Variants in SCGB3A2 observed in about 807,000 individuals in gnomAD.
SCGB3A2 encodes the protein pneumo secretory protein 1.
A neutral mutation model predicts 7.7 loss-of-function variants in SCGB3A2; 5 were observed. That is an observed-to-expected ratio of 0.65 (90% confidence interval 0.34 to 1.36). The LOEUF (loss-of-function observed/expected upper bound fraction) is 1.36. Ranked by LOEUF, SCGB3A2 falls within the 40% of genes most tolerant of loss-of-function variation. SCGB3A2 has a pLI of 0.04. For missense variants in SCGB3A2, 109 were observed against 103.6 expected, an observed-to-expected ratio of 1.05 and a Z score of -0.23; for synonymous variants, 44 against 42.7, an observed-to-expected ratio of 1.03 and a Z score of -0.12.
At chr5:147,881,277 G>T (rs1757343632) in intron 1 of SCGB3A2, among the ~76,000 whole-genome samples, 169 bp from the exon 2 acceptor site, 1 of 152,162 alleles carries the variant, frequency 6.6e-6, no homozygotes. Context: ...AGGAAAAAAA[G>T]TTCTAGGGAG....
rs745826855 is a variant in SCGB3A2, at chr5:147,881,513, C to T, written c.123C>T (p.Asn41=). Residue 41 remains asparagine, a synonymous_variant, in exon 2 of 3, where the codon AAC becomes AAT. Coordinates refer to ENST00000296694, the MANE Select transcript of SCGB3A2 (RefSeq NM_054023.5). The part of the protein sequence containing the change: ...VDKLAPLPLD[N]ILPFMDPLKL... Reference sequence around the variant, plus strand: ...AGTTGGCACCTTTACCTCTGGACAACATTCTTCCCTTTATGGATCCATTAA... The same window carrying T: ...AGTTGGCACCTTTACCTCTGGACAATATTCTTCCCTTTATGGATCCATTAA... The T allele has an allele frequency of 1.2e-6, 2 of 1,614,090 alleles. No individual in the cohort carries two copies. Among genetic ancestry groups the T allele is most frequent in the South Asian group, 2.2e-5 (2 of 91,070 alleles).
chr5:147,879,107 A>G (rs1332331395), intron 1 of SCGB3A2, among the ~76,000 whole-genome samples: 1 of 152,238 alleles, frequency 6.6e-6, no homozygotes, highest in Non-Finnish European at 1.5e-5. Context: ...CTAGCCCAAT[A>G]TAAGTATTCT....
At position 147,881,574 on chromosome 5, in the gene SCGB3A2, C is replaced by T; in HGVS notation, c.184C>T (p.His62Tyr). The change falls in exon 2 of 3, where the codon CAC becomes TAC. Residue 62 changes from histidine to tyrosine, a missense_variant. Coordinates refer to ENST00000296694, the MANE Select transcript of SCGB3A2 (RefSeq NM_054023.5). Reference protein sequence around the residue: ...LLKTLGISVEHLVEGLRKCVN... With the variant: ...LLKTLGISVEYLVEGLRKCVN... ...GAAAACTCTGGGCATTTCTGTTGAG[C>T]ACCTTGTGGAGGGGCTAAGGAAGTG... is the stretch of plus-strand genomic sequence containing the variant. 6.2e-7 allele frequency: 1 copy of T among 1,613,992 alleles called. No individual in the cohort carries two copies.
Position 147,882,007 on chromosome 5 carries a change from G to A in SCGB3A2, c.259-20G>A, listed in dbSNP as rs763167261. 1.2e-6 allele frequency: 2 copies of A among 1,613,218 alleles called. No homozygotes were observed. Among genetic ancestry groups the A allele is most frequent in the South Asian group, 1.1e-5 (1 of 91,014 alleles). Reference sequence around the variant, plus strand: ...TTACATGTAAGCTGCTCTAAATTTTGTTGTCCTTCTACATTTCAGGAGGCG... The same window carrying A: ...TTACATGTAAGCTGCTCTAAATTTTATTGTCCTTCTACATTTCAGGAGGCG... On this transcript the variant is annotated intron_variant, in intron 2 of 2. Transcript: ENST00000296694.
intron 2 of SCGB3A2, 139 bp downstream of exon 2, chr5:147,881,787 CT>C (rs1335404011): frequency 1.3e-6 from 1 of 795,922 alleles, no homozygotes; most frequent in African/African-American, 1.8e-5. Context: ...ATCCTGGAAT[CT>C]CAGGAAAAAT....
In SCGB3A2 at chr5:147,880,444, A is replaced by G. The variant is rs77425022; in HGVS notation, c.56-1002A>G. On this transcript the variant is annotated intron_variant, in intron 1 of 2. Transcript: ENST00000296694. Reference sequence around the variant, plus strand: ...TCCCTTTATCTTCCATCCTTTGGTCATAGCCTATTGGAAATCTGCACTCCA... The same window carrying G: ...TCCCTTTATCTTCCATCCTTTGGTCGTAGCCTATTGGAAATCTGCACTCCA... Among the ~76,000 whole-genome samples, 1,387 of 152,190 alleles carry G rather than the reference A, an allele frequency of 9.1e-3. 24 individuals are homozygous for G. The highest frequency in any genetic ancestry group is 0.032 in the African/African-American group (1,335 of 41,512).
In SCGB3A2 at chr5:147,878,765, T is replaced by A. The variant is rs762916628; in HGVS notation, c.-39T>A. On this transcript the variant is annotated 5_prime_UTR_variant, in exon 1 of 3. An upstream open reading frame in the 5' UTR loses its in-frame stop. Coordinates refer to ENST00000296694, the MANE Select transcript of SCGB3A2 (RefSeq NM_054023.5). ...CTTGGTGGATTTTGCTAGATTTTTC[T>A]GATTTTTAAACTCCTGAAAAATATC... 3 of 1,567,792 alleles carry A rather than the reference T, an allele frequency of 1.9e-6. No homozygotes were observed. Among genetic ancestry groups the A allele is most frequent in the Middle Eastern group, 3.3e-4 (2 of 5,978 alleles).
chr5:147,879,015 A>G (rs74885089), intron 1 of SCGB3A2, among the ~76,000 whole-genome samples, 157 bp downstream of exon 1: 10,554 of 152,218 alleles, frequency 0.069, 386 homozygotes, highest in Middle Eastern at 0.085. Flanking sequence ...ATAATTGCAC[A>G]TATTTGCAGG....
Position 147,880,036 on chromosome 5 carries a change from T to TA in SCGB3A2, c.55+1178_55+1179insA, listed in dbSNP as rs201987766. Reference sequence around the variant, plus strand: ...GGAGGGACAATAGGTGATTGAAAATTTAAAAAAATATATACAGGCTCCATT... The same window carrying TA: ...GGAGGGACAATAGGTGATTGAAAATTATAAAAAAATATATACAGGCTCCATT... On this transcript the variant is annotated intron_variant, in intron 1 of 2. Transcript: ENST00000296694. Among the ~76,000 whole-genome samples, 1,061 of 151,920 alleles carry TA rather than the reference T, an allele frequency of 7.0e-3. 11 individuals are homozygous for TA. Among genetic ancestry groups the TA allele is most frequent in the African/African-American group, 0.024 (1,000 of 41,326 alleles).
intron 1 of SCGB3A2, among the ~76,000 whole-genome samples, chr5:147,880,043 A>C (rs1757321163): frequency 6.6e-6 from 1 of 152,018 alleles, no homozygotes; most frequent in South Asian, 2.1e-4. Flanking sequence ...AATTTAAAAA[A>C]ATATATACAG....
At chr5:147,880,276 A>G (rs950571303) in intron 1 of SCGB3A2, among the ~76,000 whole-genome samples, 2 of 152,172 alleles carry the variant, frequency 1.3e-5, no homozygotes, top group Admixed American at 6.5e-5. Flanking sequence ...TTATCTTCCT[A>G]AAGCCAAAGA....
chr5:147,879,145 A>G (rs1333061013), intron 1 of SCGB3A2, among the ~76,000 whole-genome samples: 2 of 152,190 alleles, frequency 1.3e-5, no homozygotes, highest in Non-Finnish European at 2.9e-5. Context: ...AAGTTAGCCA[A>G]CTTCCACGGA....
At position 147,878,788 on chromosome 5, in the gene SCGB3A2, A is replaced by T. The variant is rs751123914; in HGVS notation, c.-16A>T. 6.2e-7 allele frequency: 1 copy of T among 1,609,628 alleles called. No individual in the cohort carries two copies. Among genetic ancestry groups the T allele is most frequent in the South Asian group, 1.1e-5 (1 of 90,942 alleles). On this transcript the variant is annotated 5_prime_UTR_variant, in exon 1 of 3. Coordinates refer to ENST00000296694, the MANE Select transcript of SCGB3A2 (RefSeq NM_054023.5). ...TCTGATTTTTAAACTCCTGAAAAAT[A>T]TCCCAGATAACTGTCATGAAGCTGG...
chr5:147,881,738 A>G, intron 2 of SCGB3A2, 90 bp downstream of exon 2: 1 of 1,006,828 alleles, frequency 9.9e-7, no homozygotes, highest in Non-Finnish European at 1.5e-6. Flanking sequence ...GTAAATGTGC[A>G]TTTCCACTTT....
intron 2 of SCGB3A2, 104 bp from the exon 3 acceptor site, chr5:147,881,923 A>G (rs907074586): frequency 4.8e-6 from 6 of 1,254,294 alleles, no homozygotes; most frequent in Non-Finnish European, 5.8e-6. Flanking sequence ...TTGTTTCCCC[A>G]TCAGTAAAAT....
Position 147,881,462 on chromosome 5 carries a change from C to T in SCGB3A2, c.72C>T (p.Ile24=). The T allele has an allele frequency of 6.2e-7, 1 of 1,613,968 alleles. No individual in the cohort carries two copies. Among genetic ancestry groups the T allele is most frequent in the Non-Finnish European group, 8.5e-7 (1 of 1,179,874 alleles). Residue 24 remains isoleucine (I), a synonymous_variant, in exon 2 of 3, where the codon ATC becomes ATT. Transcript: ENST00000296694. ...LCSYSATAFL[I]NKVPLPVDKL... ...TTCCTGCAGCTACTGCCTTCCTCAT[C>T]AACAAAGTGCCCCTTCCTGTTGACA...
chr5:147,881,357 G>A (rs1472186053), intron 1 of SCGB3A2, 89 bp from the exon 2 acceptor site: 5 of 987,572 alleles, frequency 5.1e-6, no homozygotes, highest in Non-Finnish European at 7.9e-6. Context: ...GATCTGGAAT[G>A]GAGCTATTGA....
intron 1 of SCGB3A2, among the ~76,000 whole-genome samples, chr5:147,879,072 A>G (rs1757306088): frequency 6.6e-6 from 1 of 152,182 alleles, no homozygotes; most frequent in Admixed American, 6.5e-5. Flanking sequence ...GTTGGAAAGT[A>G]TTTCAGATCC....
chr5:147,881,493 G>A lies in SCGB3A2; in HGVS notation c.103G>A (p.Ala35Thr), dbSNP rs770723371. 1.1e-5 allele frequency: 17 copies of A among 1,613,872 alleles called. No homozygotes were observed. The highest frequency in any genetic ancestry group is 1.4e-5 in the Non-Finnish European group (16 of 1,179,926). The part of the protein sequence containing the change: ...NKVPLPVDKL[A>T]PLPLDNILPF... ...AGTGCCCCTTCCTGTTGACAAGTTGGCACCTTTACCTCTGGACAACATTCT... is the reference window on the plus strand; with the variant it reads ...AGTGCCCCTTCCTGTTGACAAGTTGACACCTTTACCTCTGGACAACATTCT... Residue 35 changes from alanine to threonine, a missense_variant, in exon 2 of 3, where the codon GCA becomes ACA. Physicochemically the swap from Ala to Thr is moderately conservative, Grantham distance 58 (BLOSUM62 0). Coordinates refer to ENST00000296694, the MANE Select transcript of SCGB3A2 (RefSeq NM_054023.5).
Sources: gnomAD v4.1 joint callset for allele counts (sites outside exome capture counted in the v4.1 genomes callset) on GRCh38, gnomAD v4.1.1 for gene constraint, MANE v1.5 for transcripts, NCBI Gene and HGNC (gene_info 2026-07-23, HGNC 2026-07-21) for gene names.